ITPKB: variants seen among roughly 807,000 people sequenced by gnomAD.
ITPKB encodes the protein inositol-trisphosphate 3-kinase B, also known as IP3 3-kinase B.
Under a neutral mutation model 69.4 loss-of-function variants are expected in ITPKB, and 13 were observed. The observed-to-expected ratio is 0.19, with a 90% CI of 0.12 to 0.30. ITPKB has a LOEUF of 0.30. ITPKB is among the 10% of genes least tolerant of loss of function. The pLI, the probability that ITPKB is intolerant of heterozygous loss-of-function variation, is 1.00. For missense variants in ITPKB, 1,240 were observed against 1,250.5 expected (o/e 0.99, Z 0.13); for synonymous variants, 584 against 513.7 (o/e 1.14, Z -1.85).
At chr1:226,663,208 C>A (rs1669434098) in intron 2 of ITPKB, among the ~76,000 whole-genome samples, 2 of 152,196 alleles carry the variant, frequency 1.3e-5, no homozygotes, top group South Asian at 2.1e-4. Flanking sequence ...GTCAACCAGG[C>A]CCTGCTAGTG....
chr1:226,724,145 T>G (rs1657335468), intron 2 of ITPKB, among the ~76,000 whole-genome samples: 1 of 152,072 alleles, frequency 6.6e-6, no homozygotes, highest in Non-Finnish European at 1.5e-5. Flanking sequence ...ATGTTAGAGA[T>G]GAGGACACTG....
At chr1:226,649,646 C>G (rs79061165) in intron 2 of ITPKB, among the ~76,000 whole-genome samples, 1 of 152,138 alleles carries the variant, frequency 6.6e-6, no homozygotes, top group Non-Finnish European at 1.5e-5. Flanking sequence ...GAAAGGAGAA[C>G]TAAGGTATAT....
chr1:226,644,356 A>C (rs1030806987), intron 4 of ITPKB, among the ~76,000 whole-genome samples: 3 of 152,192 alleles, frequency 2.0e-5, no homozygotes, highest in Non-Finnish European at 2.9e-5. Context: ...TCGCCCACTC[A>C]CAGGACGCTG....
chr1:226,660,500 T>G (rs528633907), intron 2 of ITPKB, among the ~76,000 whole-genome samples: 1 of 152,364 alleles, frequency 6.6e-6, no homozygotes, highest in East Asian at 1.9e-4. Context: ...GCTCCATCTC[T>G]GGTGAGAAGG....
At chr1:226,714,539 G>T (rs1657048019) in intron 2 of ITPKB, among the ~76,000 whole-genome samples, 1 of 152,114 alleles carries the variant, frequency 6.6e-6, no homozygotes, top group African/African-American at 2.4e-5. Flanking sequence ...AAATTAAAGG[G>T]TCTATAGAAA....
At position 226,632,496 on chromosome 1, in the gene ITPKB, C is replaced by A. The variant is rs1668747711; in HGVS notation, c.*2175G>T. 1 of 150,930 alleles carries A rather than the reference C, an allele frequency of 6.6e-6. No homozygotes were observed. The highest frequency in any genetic ancestry group is 1.5e-5 in the Non-Finnish European group (1 of 67,760). The allele number at this position is 150,930 out of a possible 1,614,324, so 9.3% of individuals were successfully genotyped here. A position where few individuals can be genotyped will look rare whatever the true frequency, so the allele number is the denominator to read the frequency against. ...CAGAGTAGGTGTAGAAGAGAACTAG[C>A]ACGGTAAATACAAAAAAAGAGAAAA... On this transcript the variant is annotated 3_prime_UTR_variant, in exon 8 of 8. Transcript: ENST00000429204.
intron 2 of ITPKB, among the ~76,000 whole-genome samples, chr1:226,701,408 T>C (rs1656633446): frequency 6.6e-6 from 1 of 151,436 alleles, no homozygotes; most frequent in Non-Finnish European, 1.5e-5. Flanking sequence ...ATCGAGACCA[T>C]CCTGGCTAAC....
chr1:226,675,126 G>GC (rs1261422187), intron 2 of ITPKB: 2 of 65,448 alleles, frequency 3.1e-5, no homozygotes, highest in African/African-American at 1.1e-4. Context: ...GTGCTTACAG[G>GC]CAAAAAAAAA....
chr1:226,640,454 T>G (rs1471930343), intron 5 of ITPKB, among the ~76,000 whole-genome samples: 1 of 152,150 alleles, frequency 6.6e-6, no homozygotes, highest in African/African-American at 2.4e-5. Context: ...GGAGCAGCCC[T>G]GGGTGCAGGA....
At chr1:226,692,084 T>C (rs529683097) in intron 2 of ITPKB, among the ~76,000 whole-genome samples, 27 of 152,318 alleles carry the variant, frequency 1.8e-4, no homozygotes, top group African/African-American at 6.5e-4. Context: ...GCCTACTACA[T>C]GCAAGAGCCT....
chr1:226,681,240 G>A (rs886877525), intron 2 of ITPKB, among the ~76,000 whole-genome samples: 1 of 152,132 alleles, frequency 6.6e-6, no homozygotes, highest in Non-Finnish European at 1.5e-5. Context: ...CCTAGCCTGT[G>A]AATAACACTC....
In ITPKB at chr1:226,735,945, T is replaced by C; in HGVS notation, c.1514A>G (p.Asn505Ser). The C allele has an allele frequency of 6.2e-7, 1 of 1,613,822 alleles. No individual in the cohort carries two copies. The highest frequency in any genetic ancestry group is 1.7e-5 in the Admixed American group (1 of 59,998). ...PGDRVGVQPG[N>S]SRVWQGTMEK... is the part of the protein sequence containing the mutation. ...CATGGTGCCCTGCCAAACCCTGGAG[T>C]TCCCAGGCTGCACACCCACCCTGTC... is the stretch of plus-strand genomic sequence containing the variant. The change falls in exon 2 of 8, where the codon AAC becomes AGC. Residue 505 changes from asparagine to serine, a missense_variant. Asn to Ser is a conservative substitution (Grantham distance 46). Around this residue, in one of 2 missense-constraint regions of ITPKB, gnomAD observed 992 missense variants for 853.8 expected, o/e 1.16. Transcript: ENST00000429204.
chr1:226,697,287 G>A (rs926761185), intron 2 of ITPKB, among the ~76,000 whole-genome samples: 5 of 152,180 alleles, frequency 3.3e-5, no homozygotes, highest in African/African-American at 9.7e-5. Context: ...TGCATTCAGA[G>A]GCATAGTACA....
chr1:226,727,285 T>C (rs1242421248), intron 2 of ITPKB, among the ~76,000 whole-genome samples: 1 of 152,206 alleles, frequency 6.6e-6, no homozygotes, highest in Non-Finnish European at 1.5e-5. Flanking sequence ...AATTACACAG[T>C]CAGTCATCAA....
intron 2 of ITPKB, among the ~76,000 whole-genome samples, chr1:226,697,100 T>A (rs763755601): frequency 1.3e-5 from 2 of 152,232 alleles, no homozygotes; most frequent in African/African-American, 2.4e-5. Context: ...AGCAATAGAA[T>A]ATAGTTCACC....
intron 2 of ITPKB, among the ~76,000 whole-genome samples, chr1:226,667,209 A>G (rs962377182): frequency 2.0e-5 from 3 of 152,040 alleles, no homozygotes; most frequent in Non-Finnish European, 4.4e-5. Flanking sequence ...TGTTACCCCC[A>G]CTAGAGTGAG....
chr1:226,717,691 G>A (rs1390782237), intron 2 of ITPKB, among the ~76,000 whole-genome samples: 2 of 152,236 alleles, frequency 1.3e-5, no homozygotes, highest in Non-Finnish European at 2.9e-5. Flanking sequence ...GAGCTGGGAG[G>A]TGATGGCATG....
chr1:226,701,432 G>A (rs961402370), intron 2 of ITPKB, among the ~76,000 whole-genome samples: 1 of 151,114 alleles, frequency 6.6e-6, no homozygotes, highest in Non-Finnish European at 1.5e-5. Context: ...GTGAAACCCC[G>A]TCTCTACTAA....
intron 2 of ITPKB, among the ~76,000 whole-genome samples, chr1:226,731,733 C>G (rs1025679195): frequency 1.6e-4 from 24 of 152,066 alleles, no homozygotes; most frequent in Admixed American, 6.6e-5. Flanking sequence ...AAATAAATGA[C>G]TCGGGGTCCT....
Sources: allele counts gnomAD v4.1 joint callset (sites outside exome capture counted in the v4.1 genomes callset), GRCh38; gene constraint gnomAD v4.1.1; regional missense constraint gnomAD v4.1.1; transcripts MANE v1.5; gene names NCBI Gene and HGNC (gene_info 2026-07-23, HGNC 2026-07-21).